Variants in SLC37A1 observed in about 807,000 individuals in gnomAD.
SLC37A1 encodes the protein glucose-6-phosphate exchanger SLC37A1.
In SLC37A1, 49 loss-of-function variants were observed where a neutral mutation model predicts 75.3. That is an observed-to-expected ratio of 0.65 (90% CI 0.52 to 0.83). The LOEUF (loss-of-function observed/expected upper bound fraction) is 0.83, where lower values mean the gene tolerates loss of function less well. Among genes scored for constraint, SLC37A1 ranks in the 40% least tolerant of loss-of-function variants. The pLI, the probability that SLC37A1 is intolerant of heterozygous loss-of-function variation, is 0.00. For missense variants in SLC37A1, 566 were observed against 695.0 expected (o/e 0.81, Z 2.09); for synonymous variants, 268 against 292.1 (o/e 0.92, Z 0.84).
chr21:42,543,833 T>C (rs370330631), intron 8 of SLC37A1, among the ~76,000 whole-genome samples: 76 of 152,322 alleles, frequency 5.0e-4, no homozygotes, highest in African/African-American at 1.8e-3. Context: ...CCCCATTCCT[T>C]CCTCCCGTCC....
At chr21:42,563,997 C>T (rs1234389548) in intron 13 of SLC37A1, 120 bp downstream of exon 13, 1 of 1,164,366 alleles carries the variant, frequency 8.6e-7, no homozygotes, top group African/African-American at 1.5e-5. Context: ...TGAGTGGGCC[C>T]AGCCCAAGAG....
chr21:42,542,982 G>A (rs2055320486), intron 7 of SLC37A1, among the ~76,000 whole-genome samples: 3 of 152,228 alleles, frequency 2.0e-5, no homozygotes, highest in South Asian at 2.1e-4. Context: ...TATGGTGGAC[G>A]ATCGCAAACA....
At chr21:42,546,138 G>A (rs1044257144) in intron 8 of SLC37A1, among the ~76,000 whole-genome samples, 15 of 152,184 alleles carry the variant, frequency 9.9e-5, no homozygotes, top group Non-Finnish European at 1.5e-4. Flanking sequence ...CAAGGTGCTT[G>A]GTAGTCAGAG....
At chr21:42,510,146 G>A (rs1328949767), upstream of SLC37A1, among the ~76,000 whole-genome samples, 2 of 152,224 alleles carry the variant, frequency 1.3e-5, no homozygotes, top group Non-Finnish European at 2.9e-5. Flanking sequence ...CCCTGCCTCA[G>A]CCTCCTGAGT....
intron 9 of SLC37A1, among the ~76,000 whole-genome samples, chr21:42,549,894 A>T (rs544686065): frequency 6.6e-6 from 1 of 152,204 alleles, no homozygotes; most frequent in South Asian, 2.1e-4. Context: ...ATAAAAAGGT[A>T]AAAATAACAG....
intron 1 of SLC37A1, chr21:42,499,875 AG>A (rs2054325283): frequency 6.6e-6 from 1 of 152,392 alleles, no homozygotes; most frequent in Non-Finnish European, 1.5e-5. Context: ...GGCGCTGGTC[AG>A]GGTGCCTTCT....
At chr21:42,522,762 C>T (rs572819985) in intron 2 of SLC37A1, among the ~76,000 whole-genome samples, 1 of 152,364 alleles carries the variant, frequency 6.6e-6, no homozygotes, top group South Asian at 2.1e-4. Flanking sequence ...AGCCTGGCTA[C>T]ACCGTGGCAG....
At chr21:42,510,724 A>G (rs998588736), upstream of SLC37A1, among the ~76,000 whole-genome samples, 4 of 152,372 alleles carry the variant, frequency 2.6e-5, no homozygotes, top group South Asian at 2.1e-4. Flanking sequence ...TACTTATATC[A>G]GACAAAACAG....
rs976935324 is a variant in SLC37A1 at position 42,545,809 on chromosome 21, T to C, written c.731-1294T>C. ...TTGGGACTGCCCAACATGCCGACCA[T>C]GTGTCCTTGGTCAGTGGCCTCGCCC... On this transcript the variant is annotated intron_variant, in intron 8 of 19. Coordinates refer to ENST00000352133, the MANE Select transcript of SLC37A1 (RefSeq NM_001320537.2). The surrounding 1 kb of genome is among the most constrained non-coding windows in gnomAD (Gnocchi z 4.0). 6.6e-6 allele frequency among the ~76,000 whole-genome samples: 1 copy of C among 152,238 alleles called. No individual in the cohort carries two copies. Among genetic ancestry groups the C allele is most frequent in the African/African-American group, 2.4e-5 (1 of 41,472 alleles).
At chr21:42,572,677 CA>C (rs552610279) in intron 17 of SLC37A1, among the ~76,000 whole-genome samples, 78 of 80,490 alleles carry the variant, frequency 9.7e-4, no homozygotes, top group Admixed American at 1.5e-3. Flanking sequence ...CACACACACA[CA>C]AAAAAAAAAA....
intron 2 of SLC37A1, among the ~76,000 whole-genome samples, chr21:42,522,895 G>A (rs532573771): frequency 2.0e-5 from 3 of 152,352 alleles, no homozygotes; most frequent in Admixed American, 6.5e-5. Flanking sequence ...ATCTCTAGGC[G>A]TGTGCTGTGA....
Position 42,535,323 on chromosome 21 carries a change from T to G in SLC37A1, c.272-149T>G, listed in dbSNP as rs1188055419. 6.2e-6 allele frequency: 4 copies of G among 646,556 alleles called. No homozygotes were observed. The African/African-American group carries it at 7.2e-5, about 12-fold the overall frequency. The allele number at this position is 646,556 out of a possible 1,614,324, so 40.1% of individuals were successfully genotyped here. The stretch of plus-strand genomic sequence containing the variant: ...CCTTTGCAAGAAACTGAACAGAAAA[T>G]GCACCGCCTTGTTTTCTATGTGGAA... On this transcript the variant is annotated intron_variant, in intron 4 of 19. Transcript: ENST00000352133.
intron 2 of SLC37A1, among the ~76,000 whole-genome samples, chr21:42,524,975 C>T (rs1462881849): frequency 3.3e-5 from 5 of 152,112 alleles, no homozygotes; most frequent in Non-Finnish European, 2.9e-5. Flanking sequence ...GGAGGGAGCC[C>T]GCAGAGGTGG....
chr21:42,551,832 TG>T (rs1232585358), intron 9 of SLC37A1, among the ~76,000 whole-genome samples: 1 of 138,552 alleles, frequency 7.2e-6, no homozygotes, highest in African/African-American at 3.3e-5. Flanking sequence ...TGTTTTGTTT[TG>T]TTTTTTTGGT....
At chr21:42,543,325 C>T (rs1188061974) in intron 7 of SLC37A1, 111 bp from the exon 8 acceptor site, 21 of 1,242,148 alleles carry the variant, frequency 1.7e-5, no homozygotes, top group South Asian at 3.7e-5. Flanking sequence ...CATGGCCCCC[C>T]GTTGATTCTG....
chr21:42,549,725 T>A (rs1197026376), intron 9 of SLC37A1, among the ~76,000 whole-genome samples: 1 of 152,202 alleles, frequency 6.6e-6, no homozygotes, highest in African/African-American at 2.4e-5. Flanking sequence ...CTTCCCTTTA[T>A]CACAAATGGG....
intron 16 of SLC37A1, 140 bp from the exon 17 acceptor site, chr21:42,568,220 T>A (rs1470863837): frequency 8.8e-6 from 6 of 682,376 alleles, no homozygotes; most frequent in Non-Finnish European, 1.6e-5. Context: ...AAGGCAAGCT[T>A]GGGGTGGAGT....
intron 2 of SLC37A1, among the ~76,000 whole-genome samples, chr21:42,519,958 GTGTGTT>G (rs1018546942): frequency 3.3e-4 from 35 of 105,866 alleles, no homozygotes; most frequent in African/African-American, 4.2e-4. Flanking sequence ...CCCCTCCACA[GTGTGTT>G]TGTGTGTGTG....
At chr21:42,578,897 C>T (rs11909266) in intron 18 of SLC37A1, among the ~76,000 whole-genome samples, 18 of 152,170 alleles carry the variant, frequency 1.2e-4, no homozygotes, top group African/African-American at 4.3e-4. Context: ...CCCTCGAGAC[C>T]CTCCAGCACC....
Sources: allele counts gnomAD v4.1 joint callset (sites outside exome capture counted in the v4.1 genomes callset), GRCh38; gene constraint gnomAD v4.1.1; non-coding constraint Gnocchi (gnomAD v3.1); transcripts MANE v1.5; gene names NCBI Gene and HGNC (gene_info 2026-07-23, HGNC 2026-07-21).